The following TENM4 variants were observed in gnomAD, a reference collection of about 807,000 sequenced individuals.
TENM4 encodes the protein teneurin-4.
In TENM4, 82 loss-of-function variants were observed where a neutral mutation model predicts 243.3. The ratio of observed to expected loss-of-function variants is 0.34; its 90% CI spans 0.28 to 0.40. The LOEUF is 0.40. TENM4 is among the 10% of genes least tolerant of loss of function. The probability of loss-of-function intolerance (pLI) is 1.00; values close to 1 mark genes in which losing one functional copy is unlikely to be tolerated. For synonymous variants in TENM4, 1,412 were observed against 1,456.3 expected (o/e 0.97, Z 0.69); for missense variants, 3,138 against 3,673.3 (o/e 0.85, Z 3.77).
At chr11:79,385,241 G>T (rs1267592344) in intron 1 of TENM4, among the ~76,000 whole-genome samples, 2 of 152,132 alleles carry the variant, frequency 1.3e-5, no homozygotes, top group Non-Finnish European at 2.9e-5. Flanking sequence ...GAACCTCTGG[G>T]GCTGTCACCC....
chr11:79,236,992 T>C (rs1174398854), intron 2 of TENM4, among the ~76,000 whole-genome samples: 1 of 152,154 alleles, frequency 6.6e-6, no homozygotes, highest in African/African-American at 2.4e-5. Context: ...CCATGCCAGG[T>C]ACTTCTCTGG....
At chr11:78,972,340 G>A (rs980609231) in intron 6 of TENM4, among the ~76,000 whole-genome samples, 4 of 152,138 alleles carry the variant, frequency 2.6e-5, no homozygotes, top group Non-Finnish European at 4.4e-5. Flanking sequence ...TTTCAGGAGC[G>A]GGTCCCAGGC....
intron 1 of TENM4, among the ~76,000 whole-genome samples, chr11:79,330,874 C>T (rs555103901): frequency 1.3e-5 from 2 of 152,296 alleles, no homozygotes; most frequent in African/African-American, 2.4e-5. Flanking sequence ...CAAGGGCTGG[C>T]CAGTTTCTGC....
intron 16 of TENM4, among the ~76,000 whole-genome samples, chr11:78,779,450 T>G (rs1856800393): frequency 6.6e-6 from 1 of 152,248 alleles, no homozygotes; most frequent in African/African-American, 2.4e-5. Flanking sequence ...TTATTTGGCC[T>G]TCTAAAGTTT....
intron 7 of TENM4, among the ~76,000 whole-genome samples, chr11:78,898,399 T>C (rs1855844478): frequency 6.6e-6 from 1 of 152,248 alleles, no homozygotes; most frequent in South Asian, 2.1e-4. Flanking sequence ...CAGACTGAGT[T>C]TGACAATCAG....
chr11:79,157,433 TACTC>T (rs1467691434), intron 3 of TENM4, among the ~76,000 whole-genome samples: 2 of 152,198 alleles, frequency 1.3e-5, no homozygotes, highest in African/African-American at 4.8e-5. Context: ...TTCACTCACT[TACTC>T]ATGCACTCAG....
At chr11:78,872,289 G>T (rs79986894) in intron 9 of TENM4, among the ~76,000 whole-genome samples, 1 of 152,204 alleles carries the variant, frequency 6.6e-6, no homozygotes, top group Non-Finnish European at 1.5e-5. Context: ...ATTCTAGGAA[G>T]CGGCTCCACA....
chr11:78,792,071 G>T (rs891418661), intron 15 of TENM4, among the ~76,000 whole-genome samples: 2 of 152,126 alleles, frequency 1.3e-5, no homozygotes, highest in African/African-American at 4.8e-5. Flanking sequence ...AGTAATAATG[G>T]TCCCCCTCTA....
At chr11:79,354,236 CGTT>C (rs1357207074) in intron 1 of TENM4, among the ~76,000 whole-genome samples, 9 of 152,184 alleles carry the variant, frequency 5.9e-5, no homozygotes, top group Non-Finnish European at 1.3e-4. Flanking sequence ...TTTAAGTTGA[CGTT>C]GTTTCCAGGA....
chr11:79,332,602 G>A (rs1353034328), intron 1 of TENM4, among the ~76,000 whole-genome samples: 2 of 152,040 alleles, frequency 1.3e-5, no homozygotes, highest in Non-Finnish European at 2.9e-5. Context: ...CAGTTTATAA[G>A]CACTCTTCCC....
At chr11:79,155,840 A>C (rs1394340656) in intron 3 of TENM4, among the ~76,000 whole-genome samples, 1 of 151,122 alleles carries the variant, frequency 6.6e-6, no homozygotes, top group African/African-American at 2.4e-5. Context: ...GGATATAAAC[A>C]TGAAGATGTG....
chr11:78,850,329 T>C (rs972610714), intron 12 of TENM4, among the ~76,000 whole-genome samples: 1 of 152,236 alleles, frequency 6.6e-6, no homozygotes, highest in Admixed American at 6.5e-5. Flanking sequence ...ATACTCTGGA[T>C]TCTGACATCT....
chr11:79,033,904 C>T (rs908116316), intron 6 of TENM4, among the ~76,000 whole-genome samples: 3 of 152,142 alleles, frequency 2.0e-5, no homozygotes, highest in African/African-American at 7.2e-5. Context: ...TGTTTAAATT[C>T]CCTGAAATCA....
intron 4 of TENM4, among the ~76,000 whole-genome samples, chr11:79,090,583 C>T (rs553895163): frequency 8.3e-4 from 127 of 152,314 alleles, no homozygotes; most frequent in African/African-American, 2.9e-3. Context: ...GGCACAGAGA[C>T]GCTCAGGACT....
chr11:79,383,705 C>T (rs1858052140), intron 1 of TENM4, among the ~76,000 whole-genome samples: 1 of 152,162 alleles, frequency 6.6e-6, no homozygotes, highest in South Asian at 2.1e-4. Context: ...CTCCCACTCC[C>T]CACTATATAT....
At chr11:79,094,867 C>T (rs142879384) in intron 4 of TENM4, among the ~76,000 whole-genome samples, 1 of 152,334 alleles carries the variant, frequency 6.6e-6, no homozygotes, top group Non-Finnish European at 1.5e-5. Context: ...ATTTACGAGG[C>T]TGCCTGTGGC....
intron 15 of TENM4, among the ~76,000 whole-genome samples, chr11:78,791,022 C>A (rs1857044898): frequency 6.6e-6 from 1 of 152,130 alleles, no homozygotes; most frequent in South Asian, 2.1e-4. Flanking sequence ...CCTCCACCAG[C>A]CCTTTACAAG....
intron 28 of TENM4, among the ~76,000 whole-genome samples, chr11:78,698,330 TGAGCCGA>T (rs1859015357): frequency 6.6e-6 from 1 of 152,052 alleles, no homozygotes; most frequent in African/African-American, 2.4e-5. Flanking sequence ...GAGGTTGCAG[TGAGCCGA>T]GATCGCACCA....
intron 3 of TENM4, among the ~76,000 whole-genome samples, chr11:79,156,580 T>G (rs1444529936): frequency 6.6e-6 from 1 of 152,128 alleles, no homozygotes; most frequent in Non-Finnish European, 1.5e-5. Flanking sequence ...GAAGGTTACC[T>G]CCTCCTGAAA....
Sources: gnomAD v4.1 joint callset for allele counts (sites outside exome capture counted in the v4.1 genomes callset) on GRCh38, gnomAD v4.1.1 for gene constraint, MANE v1.5 for transcripts, NCBI Gene and HGNC (gene_info 2026-07-23, HGNC 2026-07-21) for gene names.